The following VIT variants were observed in gnomAD, a reference collection of about 807,000 sequenced individuals.
VIT encodes vitrin.
In VIT, 99 loss-of-function variants were observed where a neutral mutation model predicts 78.0. The ratio of observed to expected loss-of-function variants is 1.27; its 90% CI spans 1.08 to 1.50. The LOEUF is 1.50. Among genes scored for constraint, VIT ranks in the 40% most tolerant of loss-of-function variants. VIT has a pLI of 0.00. For synonymous variants in VIT, 374 were observed against 334.3 expected (o/e 1.12, Z -1.29); for missense variants, 1,126 against 875.3 (o/e 1.29, Z -3.61).
intron 1 of VIT, among the ~76,000 whole-genome samples, chr2:36,702,930 C>A (rs948532784): frequency 6.6e-6 from 1 of 152,204 alleles, no homozygotes; most frequent in African/African-American, 2.4e-5. Context: ...CTCTGTCTGG[C>A]TGCTTTCTGC....
chr2:36,730,300 CAG>C (rs563332317), intron 3 of VIT, among the ~76,000 whole-genome samples: 77 of 147,172 alleles, frequency 5.2e-4, no homozygotes, highest in Middle Eastern at 3.6e-3. Context: ...AAAAAAAAAA[CAG>C]GGGGAAAAAA....
At chr2:36,778,540 G>T (rs919834974) in intron 9 of VIT, among the ~76,000 whole-genome samples, 2 of 152,308 alleles carry the variant, frequency 1.3e-5, no homozygotes, top group South Asian at 4.1e-4. Flanking sequence ...AGAAAAGGCT[G>T]CCAGGTTTCC....
intron 6 of VIT, 24 bp downstream of exon 6, chr2:36,759,070 T>C: frequency 3.1e-6 from 5 of 1,614,130 alleles, no homozygotes; most frequent in Non-Finnish European, 4.2e-6. Flanking sequence ...TGTGATTGAA[T>C]CTAAACCTTC....
intron 2 of VIT, among the ~76,000 whole-genome samples, chr2:36,719,507 A>G (rs1666362465): frequency 6.6e-6 from 1 of 152,254 alleles, no homozygotes; most frequent in African/African-American, 2.4e-5. Context: ...ATCAACATAC[A>G]AAAATCTGTA....
At chr2:36,800,545 C>T (rs1315598236) in intron 12 of VIT, among the ~76,000 whole-genome samples, 1 of 152,132 alleles carries the variant, frequency 6.6e-6, no homozygotes, top group African/African-American at 2.4e-5. Context: ...CCCACGAAGT[C>T]AGCGCTGCCT....
intron 4 of VIT, among the ~76,000 whole-genome samples, chr2:36,747,343 G>C (rs1668198563): frequency 6.6e-6 from 1 of 152,138 alleles, no homozygotes; most frequent in Non-Finnish European, 1.5e-5. Flanking sequence ...TGTAAGTCCA[G>C]AATTTCTTTG....
intron 9 of VIT, among the ~76,000 whole-genome samples, chr2:36,779,924 G>T (rs139032883): frequency 6.6e-6 from 1 of 151,292 alleles, no homozygotes; most frequent in Non-Finnish European, 1.5e-5. Flanking sequence ...CAAAAAACTG[G>T]AGGCAAACCT....
At chr2:36,754,653 T>G (rs915402323) in intron 4 of VIT, among the ~76,000 whole-genome samples, 4 of 152,070 alleles carry the variant, frequency 2.6e-5, no homozygotes, top group Admixed American at 2.6e-4. Flanking sequence ...GGAAAAGAAA[T>G]CTGAGGCATG....
At chr2:36,737,273 G>C (rs763485772) in intron 3 of VIT, among the ~76,000 whole-genome samples, 2 of 152,184 alleles carry the variant, frequency 1.3e-5, no homozygotes, top group African/African-American at 2.4e-5. Context: ...GAAAGGCAAG[G>C]TTGGGTTTAA....
At chr2:36,707,559 C>T (rs1665508442) in intron 1 of VIT, among the ~76,000 whole-genome samples, 1 of 152,210 alleles carries the variant, frequency 6.6e-6, no homozygotes, top group Non-Finnish European at 1.5e-5. Context: ...GGATGTTTAA[C>T]CATCCTTGCC....
In VIT at chr2:36,784,872, C is replaced by T. The variant is rs115787491; in HGVS notation, c.910+1470C>T. Reference sequence around the variant, plus strand: ...TCATGGGTCTCAGTCAAAACATGCCCTGAGCTGGAACCATTGTCATTTAAA... The same window carrying T: ...TCATGGGTCTCAGTCAAAACATGCCTTGAGCTGGAACCATTGTCATTTAAA... On this transcript the variant is annotated intron_variant, in intron 11 of 15. Transcript: ENST00000379242. 6.0e-3 allele frequency among the ~76,000 whole-genome samples: 917 copies of T among 152,304 alleles called. 16 individuals are homozygous for T. Among genetic ancestry groups the T allele is most frequent in the African/African-American group, 0.021 (870 of 41,566 alleles).
At chr2:36,764,654 G>C (rs890316235) in intron 6 of VIT, among the ~76,000 whole-genome samples, 1 of 152,322 alleles carries the variant, frequency 6.6e-6, no homozygotes, top group African/African-American at 2.4e-5. Flanking sequence ...ATGCCTGCAA[G>C]AGCAGACCGA....
At chr2:36,808,332 A>T (rs767803645) in intron 14 of VIT, 140 bp from the exon 15 acceptor site, 16 of 1,222,948 alleles carry the variant, frequency 1.3e-5, no homozygotes, top group Non-Finnish European at 1.8e-5. Flanking sequence ...GTGAACCGAG[A>T]TGGAAGAACA....
chr2:36,787,495 T>C (rs923384519), intron 12 of VIT, among the ~76,000 whole-genome samples: 2 of 152,186 alleles, frequency 1.3e-5, no homozygotes, highest in African/African-American at 2.4e-5. Flanking sequence ...AAAAAACACT[T>C]GTAAGTAGAT....
intron 12 of VIT, among the ~76,000 whole-genome samples, chr2:36,796,719 G>C (rs529747924): frequency 6.6e-6 from 1 of 151,738 alleles, no homozygotes; most frequent in African/African-American, 2.4e-5. Flanking sequence ...CTCCTGTCTT[G>C]GCCTCTCAAA....
intron 8 of VIT, among the ~76,000 whole-genome samples, chr2:36,774,208 A>G (rs1350514686): frequency 6.6e-6 from 1 of 152,072 alleles, no homozygotes; most frequent in Non-Finnish European, 1.5e-5. Flanking sequence ...CCCAGGAAAG[A>G]GGATTTTTTT....
Position 36,759,023 on chromosome 2 carries a change from C to T in VIT, c.464C>T (p.Ser155Leu), listed in dbSNP as rs1442895499. ...CCATCAGCTCTTACATACTCATCAT[C>T]GAAAAGTCCAGCTGCCCAAGCAGGC... is the stretch of plus-strand genomic sequence containing the variant. ...TYPSALTYSS[S>L]KSPAAQAGET... Residue 155 changes from serine to leucine, a missense_variant, in exon 6 of 16, where the codon TCG (serine) becomes TTG (leucine). By Grantham distance (145) the Ser-to-Leu change is moderately radical (BLOSUM62 -2). Transcript: ENST00000379242. The T allele has an allele frequency of 6.2e-6, 10 of 1,613,890 alleles. No homozygotes were observed. In the Admixed American group the frequency reaches 6.7e-5, roughly 11 times the overall value.
At chr2:36,762,546 C>T (rs1003184697) in intron 6 of VIT, among the ~76,000 whole-genome samples, 2 of 152,090 alleles carry the variant, frequency 1.3e-5, no homozygotes, top group Non-Finnish European at 2.9e-5. Flanking sequence ...GTCCTAAGTC[C>T]TTAGTCTTAC....
intron 1 of VIT, among the ~76,000 whole-genome samples, chr2:36,712,680 AC>A (rs1309815727): frequency 1.3e-5 from 2 of 152,088 alleles, no homozygotes; most frequent in African/African-American, 2.4e-5. Context: ...TACTAAAAAT[AC>A]AAAAATTAGC....
Sources: allele counts gnomAD v4.1 joint callset (sites outside exome capture counted in the v4.1 genomes callset), GRCh38; gene constraint gnomAD v4.1.1; transcripts MANE v1.5; gene names NCBI Gene and HGNC (gene_info 2026-07-23, HGNC 2026-07-21).